CACNA1E: variants seen among roughly 807,000 people sequenced by gnomAD.
CACNA1E encodes calcium voltage-gated channel subunit alpha1 E, also known as voltage-dependent R-type calcium channel subunit alpha-1E.
A neutral mutation model predicts 259.2 loss-of-function variants in CACNA1E; 40 were observed. That is an observed-to-expected ratio of 0.15 (90% CI 0.12 to 0.20). CACNA1E has a LOEUF of 0.20. CACNA1E is among the 10% of genes least tolerant of loss of function. The pLI is 1.00. For synonymous variants in CACNA1E, 1,104 were observed against 1,138.5 expected, an observed-to-expected ratio of 0.97 and a Z score of 0.61; for missense variants, 1,874 against 3,040.1, an observed-to-expected ratio of 0.62 and a Z score of 9.02.
intron 1 of CACNA1E, among the ~76,000 whole-genome samples, chr1:181,351,834 G>C (rs2102673820): frequency 6.6e-6 from 1 of 152,342 alleles, no homozygotes; most frequent in East Asian, 1.9e-4. Context: ...TCCATCTCAA[G>C]ATCCTCAACT....
intron 6 of CACNA1E, among the ~76,000 whole-genome samples, chr1:181,649,304 G>A (rs545629589): frequency 6.6e-6 from 1 of 152,144 alleles, no homozygotes; most frequent in South Asian, 2.1e-4. Context: ...TTCCCATTCA[G>A]AAAGTGTTTT....
In CACNA1E at chr1:181,733,717, G is replaced by A. The variant is rs371974841; in HGVS notation, c.3229G>A (p.Val1077Met). 4.4e-5 allele frequency: 70 copies of A among 1,581,706 alleles called. No homozygotes were observed. The African/African-American group carries it at 6.4e-4, about 14-fold the overall frequency. Residue 1077 changes from valine (V) to methionine (M), a missense_variant, in exon 21 of 48, where the codon GTG (valine) becomes ATG (methionine). Physicochemically the swap from Val to Met is conservative, Grantham distance 21. Around this residue, in one of 14 missense-constraint regions of CACNA1E, gnomAD observed 476 missense variants for 514.0 expected, o/e 0.93. Transcript: ENST00000367573. Reference sequence around the variant, plus strand: ...CAGCGTCACCGTCGCCATCCCCGACGTGGACCCCTTGGTGGACTCAACCGT... The same window carrying A: ...CAGCGTCACCGTCGCCATCCCCGACATGGACCCCTTGGTGGACTCAACCGT... ...STSVTVAIPD[V>M]DPLVDSTVVH...
chr1:181,793,415 T>G (rs1374727477), intron 44 of CACNA1E, among the ~76,000 whole-genome samples: 1 of 151,890 alleles, frequency 6.6e-6, no homozygotes, highest in Non-Finnish European at 1.5e-5. Flanking sequence ...TGCTTAGTGA[T>G]GAAAAAGAGG....
intron 1 of CACNA1E, among the ~76,000 whole-genome samples, chr1:181,336,251 C>T (rs1651701231): frequency 6.6e-6 from 1 of 152,138 alleles, no homozygotes; most frequent in Non-Finnish European, 1.5e-5. Context: ...TGGCAAAATG[C>T]CCAGATGTTA....
intron 2 of CACNA1E, among the ~76,000 whole-genome samples, chr1:181,460,232 A>G (rs1445788400): frequency 6.6e-6 from 1 of 152,170 alleles, no homozygotes; most frequent in Non-Finnish European, 1.5e-5. Context: ...TTAGACTTTT[A>G]AAAAAGCTGA....
intron 7 of CACNA1E, among the ~76,000 whole-genome samples, chr1:181,680,937 T>A (rs3753738): frequency 6.6e-6 from 1 of 152,148 alleles, no homozygotes; most frequent in African/African-American, 2.4e-5. Flanking sequence ...GGCTGAGGAA[T>A]ACTCCATTGT....
At chr1:181,396,371 A>G (rs1656682272) in intron 1 of CACNA1E, among the ~76,000 whole-genome samples, 1 of 152,348 alleles carries the variant, frequency 6.6e-6, no homozygotes, top group South Asian at 2.1e-4. Context: ...GAAGCTGGCT[A>G]CCACATCAAG....
chr1:181,563,258 T>G (rs558856810), intron 3 of CACNA1E, among the ~76,000 whole-genome samples: 1 of 152,288 alleles, frequency 6.6e-6, no homozygotes, highest in South Asian at 2.1e-4. Context: ...ATGCCTGTCA[T>G]GCAAATCAAC....
intron 1 of CACNA1E, among the ~76,000 whole-genome samples, chr1:181,319,763 A>G (rs1324228036): frequency 6.6e-6 from 1 of 152,204 alleles, no homozygotes; most frequent in Non-Finnish European, 1.5e-5. Flanking sequence ...TATTTATGCT[A>G]GGTTAGAGGT....
intron 2 of CACNA1E, among the ~76,000 whole-genome samples, chr1:181,466,547 T>A (rs868424784): frequency 4.0e-5 from 6 of 151,086 alleles, no homozygotes; most frequent in African/African-American, 1.5e-4. Context: ...GACTCTGTCT[T>A]AAACAAAACA....
chr1:181,431,438 A>T (rs953437823), intron 2 of CACNA1E, among the ~76,000 whole-genome samples: 1 of 152,212 alleles, frequency 6.6e-6, no homozygotes. Flanking sequence ...TTCCAGGGTG[A>T]TGGATGCCAG....
chr1:181,445,390 G>A (rs1171227000), intron 2 of CACNA1E, among the ~76,000 whole-genome samples: 1 of 152,238 alleles, frequency 6.6e-6, no homozygotes, highest in East Asian at 1.9e-4. Context: ...ATGTGGAAAA[G>A]TGGAAAACAT....
intron 1 of CACNA1E, among the ~76,000 whole-genome samples, chr1:181,406,481 C>G (rs1412787790): frequency 6.6e-6 from 1 of 152,074 alleles, no homozygotes; most frequent in Non-Finnish European, 1.5e-5. Context: ...GCTATAACTT[C>G]TACCTCCTGG....
chr1:181,442,326 G>T (rs61812698), intron 2 of CACNA1E, among the ~76,000 whole-genome samples: 62 of 151,464 alleles, frequency 4.1e-4, no homozygotes, highest in South Asian at 1.5e-3. Context: ...CAGGTGTGAT[G>T]GGCACAGGTA....
At chr1:181,771,824 A>G (rs963807276) in intron 36 of CACNA1E, among the ~76,000 whole-genome samples, 13 of 152,196 alleles carry the variant, frequency 8.5e-5, no homozygotes, top group African/African-American at 3.1e-4. Flanking sequence ...AGAGAATCCC[A>G]TGACTAGTAG....
chr1:181,596,557 C>CGTGTGTGTGTGTGT (rs60302499), intron 6 of CACNA1E, among the ~76,000 whole-genome samples: 3,446 of 140,528 alleles, frequency 0.025, 68 homozygotes, highest in Middle Eastern at 0.044. Context: ...CCACCATGTA[C>CGTGTGTGTGTGTGT]GTGTGTGTGT....
At chr1:181,468,701 G>C (rs1240991898) in intron 2 of CACNA1E, among the ~76,000 whole-genome samples, 1 of 152,172 alleles carries the variant, frequency 6.6e-6, no homozygotes, top group Non-Finnish European at 1.5e-5. Flanking sequence ...TTTGTCATAT[G>C]ACCACAAATT....
At chr1:181,401,928 C>T (rs937268701) in intron 1 of CACNA1E, among the ~76,000 whole-genome samples, 4 of 152,138 alleles carry the variant, frequency 2.6e-5, no homozygotes, top group South Asian at 2.1e-4. Flanking sequence ...TTTATGTCAG[C>T]GATTTTCATC....
chr1:181,651,537 C>A lies in CACNA1E; in HGVS notation c.1055+96C>A, dbSNP rs1658757736. ...ATGGCAGATTCATTCATTTAACCTT[C>A]ATTTAGAAGACACTTACCTAGCAGT... On this transcript the variant is annotated intron_variant, in intron 7 of 47. Transcript: ENST00000367573. The A allele has an allele frequency of 4.7e-6, 4 of 856,212 alleles. No individual in the cohort carries two copies. The Admixed American group carries it at 6.3e-5, about 13-fold the overall frequency. 53.0% of individuals were successfully genotyped at this position (856,212 alleles called of 1,614,324 possible). A position where few individuals can be genotyped will look rare whatever the true frequency, so the allele number is the denominator to read the frequency against.
Sources: allele counts gnomAD v4.1 joint callset (sites outside exome capture counted in the v4.1 genomes callset), GRCh38; gene constraint gnomAD v4.1.1; regional missense constraint gnomAD v4.1.1; transcripts MANE v1.5; gene names NCBI Gene and HGNC (gene_info 2026-07-23, HGNC 2026-07-21).